CADM3: variants seen among roughly 807,000 people sequenced by gnomAD.
CADM3 encodes the protein TSLC1-like 1.
In CADM3, 11 loss-of-function variants were observed where a neutral mutation model predicts 44.9. The ratio of observed to expected loss-of-function variants is 0.25; its 90% CI spans 0.15 to 0.41. The LOEUF is 0.41. Ranked by LOEUF, CADM3 falls within the 10% of genes least tolerant of loss-of-function variation. The pLI is 1.00. For synonymous variants in CADM3, 207 were observed against 205.2 expected (o/e 1.01, Z -0.08); for missense variants, 426 against 512.0 (o/e 0.83, Z 1.62).
chr1:159,203,283 A>T lies in CADM3; in HGVS notation c.*2361A>T, dbSNP rs758190161. Reference sequence around the variant, plus strand: ...TGCCAGGCCACTCTCAAGAATATCTATGTACAGCAACAATATAACTCTACA... The same window carrying T: ...TGCCAGGCCACTCTCAAGAATATCTTTGTACAGCAACAATATAACTCTACA... On this transcript the variant is annotated 3_prime_UTR_variant, in exon 9 of 9. Transcript: ENST00000368125. 1 of 152,140 alleles carries T rather than the reference A, an allele frequency of 6.6e-6. No homozygotes were observed. The highest frequency in any genetic ancestry group is 1.5e-5 in the Non-Finnish European group (1 of 68,030). The allele number at this position is 152,140 out of a possible 1,614,324, so 9.4% of individuals were successfully genotyped here. A position where few individuals can be genotyped will look rare whatever the true frequency, so the allele number is the denominator to read the frequency against.
chr1:159,175,857 TACTTTGAAATA>T (rs1394155798), intron 1 of CADM3, among the ~76,000 whole-genome samples: 6 of 152,266 alleles, frequency 3.9e-5, no homozygotes, highest in African/African-American at 1.4e-4. Context: ...GCGTTCTGGT[TACTTTGAAATA>T]ACAAACTGAG....
intron 8 of CADM3, among the ~76,000 whole-genome samples, chr1:159,200,217 G>A (rs773819630): frequency 3.9e-5 from 6 of 152,076 alleles, no homozygotes; most frequent in Non-Finnish European, 7.4e-5. Context: ...TGCTTCCTGC[G>A]CTTTCTTCCT....
chr1:159,182,389 C>T (rs1002375848), intron 1 of CADM3, among the ~76,000 whole-genome samples: 1 of 152,178 alleles, frequency 6.6e-6, no homozygotes, highest in African/African-American at 2.4e-5. Flanking sequence ...AAATATTTGA[C>T]ACTTAGTGTC....
intron 7 of CADM3, chr1:159,197,647 C>T (rs1446590340): frequency 6.6e-6 from 1 of 152,192 alleles, no homozygotes; most frequent in African/African-American, 2.4e-5. Flanking sequence ...CCACAAAACC[C>T]AGCTTCAGGA....
intron 6 of CADM3, 66 bp from the exon 7 acceptor site, chr1:159,196,825 T>A (rs1649917709): frequency 1.8e-5 from 27 of 1,467,020 alleles, no homozygotes; most frequent in Middle Eastern, 2.1e-4. Flanking sequence ...CCCAGTTATT[T>A]TTTTTTTTCT....
intron 1 of CADM3, chr1:159,189,876 A>T: frequency 6.3e-7 from 1 of 1,589,452 alleles, no homozygotes; most frequent in Non-Finnish European, 8.6e-7. Context: ...AGTCAAGGTG[A>T]GAATCCAGGC....
intron 1 of CADM3, chr1:159,189,829 C>T: frequency 1.2e-6 from 2 of 1,607,004 alleles, no homozygotes; most frequent in East Asian, 2.2e-5. Context: ...ACGAGGCCAT[C>T]AGCTCCACAG....
chr1:159,173,059 G>C (rs1040048594), intron 1 of CADM3, among the ~76,000 whole-genome samples: 1 of 152,048 alleles, frequency 6.6e-6, no homozygotes, highest in Non-Finnish European at 1.5e-5. Context: ...GGGGGAGAGG[G>C]AACAGGACCT....
rs370950997 is a variant in CADM3 at position 159,193,345 on chromosome 1, C to A, written c.383-78C>A. The A allele has an allele frequency of 4.2e-6, 6 of 1,426,492 alleles. No homozygotes were observed. The East Asian group carries it at 6.9e-5, about 16-fold the overall frequency. 88.4% of individuals were successfully genotyped at this position (1,426,492 alleles called of 1,614,324 possible). ...AGTAGAACCCAGGTACGCAGAGAAG[C>A]CATCTCCACAGGGAGAGCAGAAGTG... is the stretch of plus-strand genomic sequence containing the variant. On this transcript the variant is annotated intron_variant, in intron 3 of 8. Transcript: ENST00000368125.
rs759552558 is a variant in CADM3, at chr1:159,199,737, G to T, written c.953-14G>T. On this transcript the variant is annotated splice_polypyrimidine_tract_variant and intron_variant, in intron 7 of 8. Transcript: ENST00000368125. The stretch of plus-strand genomic sequence containing the variant: ...CTCCCCAGATCTGACTGTGTGTGTT[G>T]CCCTTTCTTCCAGACCCCAGTCCGG... The T allele has an allele frequency of 6.2e-7, 1 of 1,613,942 alleles. No individual in the cohort carries two copies. The highest frequency in any genetic ancestry group is 8.5e-7 in the Non-Finnish European group (1 of 1,180,006).
intron 1 of CADM3, among the ~76,000 whole-genome samples, chr1:159,174,621 A>C (rs1173530799): frequency 6.6e-6 from 1 of 152,234 alleles, no homozygotes; most frequent in African/African-American, 2.4e-5. Context: ...AAGCTTCATA[A>C]GGCTGAACAG....
chr1:159,194,203 A>AC lies in CADM3; in HGVS notation c.691+164dup. 1.7e-5 allele frequency: 11 copies of AC among 661,308 alleles called. No individual in the cohort carries two copies. The South Asian group carries it at 2.3e-4, about 14-fold the overall frequency. The allele number at this position is 661,308 out of a possible 1,614,324, so 41.0% of individuals were successfully genotyped here. A position where few individuals can be genotyped will look rare whatever the true frequency, so the allele number is the denominator to read the frequency against. On this transcript the variant is annotated intron_variant, in intron 5 of 8. Transcript: ENST00000368125. ...CTAGGCCAGGGTTGGCAAACTCTTT[A>AC]CAGAGGGCCCAGTAATGAATATTTT...
intron 3 of CADM3, among the ~76,000 whole-genome samples, chr1:159,192,956 C>CTGAATT (rs560765276): frequency 2.5e-3 from 376 of 152,306 alleles, no homozygotes; most frequent in Non-Finnish European, 3.1e-3. Context: ...CTCTTTGAGT[C>CTGAATT]TGAATTTTCT....
intron 1 of CADM3, among the ~76,000 whole-genome samples, chr1:159,188,750 C>T (rs1391719473): frequency 6.6e-6 from 1 of 152,144 alleles, no homozygotes; most frequent in Non-Finnish European, 1.5e-5. Flanking sequence ...TTGGGTATTT[C>T]TTGGAAATGG....
intron 5 of CADM3, 132 bp from the exon 6 acceptor site, chr1:159,196,232 G>A: frequency 3.1e-6 from 2 of 645,322 alleles, no homozygotes; most frequent in Non-Finnish European, 5.5e-6. Flanking sequence ...AGAAGTAGGA[G>A]AAGGAAGGTC....
chr1:159,194,149 G>A (rs776938363), intron 5 of CADM3, 109 bp downstream of exon 5: 24 of 1,199,020 alleles, frequency 2.0e-5, no homozygotes, highest in Non-Finnish European at 2.6e-5. Flanking sequence ...TAAGTGAATA[G>A]GTAAAAAATG....
intron 7 of CADM3, chr1:159,197,417 A>C: frequency 4.9e-6 from 1 of 205,188 alleles, no homozygotes. Flanking sequence ...TCCTTCTCTA[A>C]CTGGCTCTTC....
intron 1 of CADM3, among the ~76,000 whole-genome samples, chr1:159,189,509 C>T (rs1008367226): frequency 2.0e-5 from 3 of 152,180 alleles, no homozygotes; most frequent in Non-Finnish European, 2.9e-5. Context: ...CTTAAGATCT[C>T]TTTGGCACTA....
rs896379958 is a variant in CADM3 at position 159,200,194 on chromosome 1, A to G, written c.1078+318A>G. On this transcript the variant is annotated intron_variant, in intron 8 of 8. Transcript: ENST00000368125. ...CAAGACAGAGAGCTCCTGAAACTGC[A>G]TCTCCATCTCATTGCTTCCTGCGCT... Among the ~76,000 whole-genome samples, 3 of 151,990 alleles carry G rather than the reference A, an allele frequency of 2.0e-5. No individual in the cohort carries two copies. In the East Asian group the frequency reaches 5.8e-4, roughly 29 times the overall value.
Sources: allele counts gnomAD v4.1 joint callset (sites outside exome capture counted in the v4.1 genomes callset), GRCh38; gene constraint gnomAD v4.1.1; transcripts MANE v1.5; gene names NCBI Gene and HGNC (gene_info 2026-07-23, HGNC 2026-07-21).